RC3H1: variants seen among roughly 807,000 people sequenced by gnomAD.
The protein encoded by RC3H1 is roquin-1.
In RC3H1, 50 loss-of-function variants were observed where a neutral mutation model predicts 138.2. The observed-to-expected ratio is 0.36, with a 90% CI of 0.29 to 0.46. RC3H1 has a LOEUF of 0.46. Ranked by LOEUF, RC3H1 falls within the 20% of genes least tolerant of loss-of-function variation. RC3H1 has a pLI of 1.00. For missense variants in RC3H1, 1,031 were observed against 1,388.1 expected (o/e 0.74, Z 4.09); for synonymous variants, 462 against 489.1 (o/e 0.94, Z 0.73).
At chr1:173,967,720 G>C (rs904241648) in intron 9 of RC3H1, among the ~76,000 whole-genome samples, 4 of 152,090 alleles carry the variant, frequency 2.6e-5, no homozygotes, top group Non-Finnish European at 5.9e-5. Context: ...TCAGCCCTCT[G>C]TGTGTCATTT....
At chr1:173,984,808 T>C (rs1488467661) in intron 2 of RC3H1, among the ~76,000 whole-genome samples, 189 bp from the exon 3 acceptor site, 1 of 152,226 alleles carries the variant, frequency 6.6e-6, no homozygotes, top group Admixed American at 6.5e-5. Context: ...TCTAACAGCC[T>C]AATTAAGATA....
intron 1 of RC3H1, among the ~76,000 whole-genome samples, chr1:174,020,445 G>T (rs1661936562): frequency 6.6e-6 from 1 of 152,082 alleles, no homozygotes; most frequent in African/African-American, 2.4e-5. Flanking sequence ...TTTTTAATTA[G>T]AACAGACTTG....
chr1:173,949,835 C>T (rs1169258853), intron 14 of RC3H1, among the ~76,000 whole-genome samples: 6 of 152,120 alleles, frequency 3.9e-5, no homozygotes, highest in Admixed American at 3.9e-4. Context: ...CACAGAATAT[C>T]TCGTAAAAGC....
chr1:173,976,279 A>G (rs1332136998), intron 7 of RC3H1, among the ~76,000 whole-genome samples: 1 of 151,954 alleles, frequency 6.6e-6, no homozygotes, highest in Non-Finnish European at 1.5e-5. Flanking sequence ...TCTACTAAAG[A>G]TACTAAAAAT....
chr1:174,009,062 G>T (rs1279631815), intron 1 of RC3H1, among the ~76,000 whole-genome samples: 1 of 151,368 alleles, frequency 6.6e-6, no homozygotes, highest in Admixed American at 6.6e-5. Context: ...GGCTGCTGCT[G>T]TATCAGAATC....
At chr1:173,962,724 T>A (rs1659935793) in intron 11 of RC3H1, among the ~76,000 whole-genome samples, 1 of 152,212 alleles carries the variant, frequency 6.6e-6, no homozygotes. Flanking sequence ...TCCACCAATA[T>A]GGCAGGCACC....
chr1:173,949,965 G>A (rs1659314513), intron 14 of RC3H1, among the ~76,000 whole-genome samples: 1 of 152,026 alleles, frequency 6.6e-6, no homozygotes, highest in South Asian at 2.1e-4. Flanking sequence ...TCAGGAGTTC[G>A]AGACGAGCCT....
At chr1:173,991,518 G>A (rs1661287169) in intron 2 of RC3H1, among the ~76,000 whole-genome samples, 1 of 152,204 alleles carries the variant, frequency 6.6e-6, no homozygotes, top group South Asian at 2.1e-4. Context: ...AACAGAAATA[G>A]TTAAGAGTGG....
At position 173,965,048 on chromosome 1, in the gene RC3H1, C is replaced by T; in HGVS notation, c.1407G>A (p.Val469=). The T allele has an allele frequency of 6.2e-7, 1 of 1,614,150 alleles. No homozygotes were observed. Among genetic ancestry groups the T allele is most frequent in the Non-Finnish European group, 8.5e-7 (1 of 1,180,018 alleles). The change falls in exon 10 of 20, where the codon GTG becomes GTA. Residue 469 remains valine (V), a synonymous_variant. Transcript: ENST00000367696. ...GAAGGATAGCTGCTGAAGGCAGGCCCACCTCATTAAGTTGACCCAAAGAGG... is the reference window on the plus strand; with the variant it reads ...GAAGGATAGCTGCTGAAGGCAGGCCTACCTCATTAAGTTGACCCAAAGAGG... ...LSASLGQLNE[V]GLPSAAILPD...
At chr1:174,003,886 C>T (rs1326501094) in intron 1 of RC3H1, among the ~76,000 whole-genome samples, 1 of 151,744 alleles carries the variant, frequency 6.6e-6, no homozygotes, top group African/African-American at 2.4e-5. Flanking sequence ...TGGTCTTGAT[C>T]TCCTGACCTT....
chr1:173,983,661 T>G lies in RC3H1; in HGVS notation c.353-4A>C, dbSNP rs1557942749. 4 of 1,613,174 alleles carry G rather than the reference T, an allele frequency of 2.5e-6. No homozygotes were observed. In the South Asian group the frequency reaches 3.3e-5, roughly 13 times the overall value. Reference sequence around the variant, plus strand: ...GTAGTGCTGTTCAGACCCACTCCTTTAAAAGAGTAAAGAAGTTATTCCTAG... The same window carrying G: ...GTAGTGCTGTTCAGACCCACTCCTTGAAAAGAGTAAAGAAGTTATTCCTAG... On this transcript the variant is annotated splice_region_variant and splice_polypyrimidine_tract_variant and intron_variant, in intron 3 of 19. Coordinates refer to ENST00000367696, the MANE Select transcript of RC3H1 (RefSeq NM_172071.4).
At chr1:174,012,569 G>A (rs1413166996) in intron 1 of RC3H1, among the ~76,000 whole-genome samples, 2 of 151,970 alleles carry the variant, frequency 1.3e-5, no homozygotes, top group African/African-American at 2.4e-5. Flanking sequence ...GGATCATGAG[G>A]TCAGGAGATC....
chr1:173,951,277 A>G (rs1659383881), intron 14 of RC3H1, among the ~76,000 whole-genome samples: 1 of 152,114 alleles, frequency 6.6e-6, no homozygotes, highest in South Asian at 2.1e-4. Flanking sequence ...GTGAGCCGAG[A>G]TCGCGCCATT....
Position 173,934,559 on chromosome 1 carries a change from T to C in RC3H1, c.*4162A>G, listed in dbSNP as rs1055544551. Reference sequence around the variant, plus strand: ...TACTTCCCCCAAAACCAAAACAGAGTAAAGCACAAGTCTTTGGCTCTCCTT... The same window carrying C: ...TACTTCCCCCAAAACCAAAACAGAGCAAAGCACAAGTCTTTGGCTCTCCTT... On this transcript the variant is annotated 3_prime_UTR_variant, in exon 20 of 20. Transcript: ENST00000367696. The C allele has an allele frequency of 2.6e-5, 4 of 152,056 alleles. No individual in the cohort carries two copies. The highest frequency in any genetic ancestry group is 4.4e-5 in the Non-Finnish European group (3 of 67,988). The allele number at this position is 152,056 out of a possible 1,614,324, so 9.4% of individuals were successfully genotyped here.
chr1:173,962,394 A>G (rs755105083), intron 11 of RC3H1, among the ~76,000 whole-genome samples: 1 of 152,184 alleles, frequency 6.6e-6, no homozygotes, highest in Non-Finnish European at 1.5e-5. Flanking sequence ...CAAAAAAACT[A>G]CATTTCCCAG....
At chr1:173,977,402 G>A (rs945163646) in intron 7 of RC3H1, among the ~76,000 whole-genome samples, 2 of 152,178 alleles carry the variant, frequency 1.3e-5, no homozygotes, top group Non-Finnish European at 2.9e-5. Flanking sequence ...GAAACAGTAT[G>A]TAGAACAAGT....
rs974853721 is a variant in RC3H1, at chr1:174,015,587, C to T, written c.-151+6509G>A. Among the ~76,000 whole-genome samples the T allele has an allele frequency of 3.3e-5, 5 of 151,728 alleles. No individual in the cohort carries two copies. In the East Asian group the frequency reaches 5.8e-4, roughly 18 times the overall value. On this transcript the variant is annotated intron_variant, in intron 1 of 19. Transcript: ENST00000367696. ...TCACCATCTTGGCCAGGCTGGTCTT[C>T]GACTCCTGACCTTGTGACCTACCCG... is the stretch of plus-strand genomic sequence containing the variant.
chr1:174,000,264 A>G (rs1200725614), intron 1 of RC3H1, among the ~76,000 whole-genome samples: 1 of 152,256 alleles, frequency 6.6e-6, no homozygotes, highest in Non-Finnish European at 1.5e-5. Flanking sequence ...TAGCCCTATT[A>G]AATAGCTAAA....
Position 173,943,546 on chromosome 1 carries a change from G to GTT in RC3H1, c.3030_3031insAA (p.Pro1011AsnfsTer10). 6.2e-7 allele frequency: 1 copy of GTT among 1,614,142 alleles called. No homozygotes were observed. Among genetic ancestry groups the GTT allele is most frequent in the Non-Finnish European group, 8.5e-7 (1 of 1,180,000 alleles). ...ATCCCAGGCCATTTTGGAGGTGGCGGTGGTGGGGGCTGTGACTGGCCTGCC... is the reference window on the plus strand; with the variant it reads ...ATCCCAGGCCATTTTGGAGGTGGCGGTTTGGTGGGGGCTGTGACTGGCCTGCC... On this transcript the variant is annotated frameshift_variant, in exon 18 of 20. Transcript: ENST00000367696. LOFTEE classifies it high-confidence loss of function.
Sources: allele counts gnomAD v4.1 joint callset (sites outside exome capture counted in the v4.1 genomes callset), GRCh38; gene constraint gnomAD v4.1.1; transcripts MANE v1.5; gene names NCBI Gene and HGNC (gene_info 2026-07-23, HGNC 2026-07-21).